The following MBD5 variants were observed in gnomAD, a reference collection of about 807,000 sequenced individuals.
MBD5 encodes the protein methyl-CpG-binding domain protein 5.
In MBD5, 13 loss-of-function variants were observed where a neutral mutation model predicts 117.3. The observed-to-expected ratio is 0.11, with a 90% confidence interval of 0.07 to 0.18. The LOEUF (loss-of-function observed/expected upper bound fraction) is 0.18. Ranked by LOEUF, MBD5 falls within the 10% of genes least tolerant of loss-of-function variation. The pLI is 1.00. For synonymous variants in MBD5, 727 were observed against 766.4 expected (o/e 0.95, Z 0.85); for missense variants, 1,879 against 2,093.8 (o/e 0.90, Z 2.00).
rs184980442 is a variant in MBD5 at position 148,228,500 on chromosome 2, G to C, written c.-830-4745G>C. Among the ~76,000 whole-genome samples the C allele has an allele frequency of 6.6e-5, 10 of 152,248 alleles. No homozygotes were observed. In the East Asian group the frequency reaches 1.9e-3, roughly 29 times the overall value. ...TGGATAAGCTTTTTGATGTGTTGCT[G>C]GATTTGGTTTGCCAGTATTTTATTG... On this transcript the variant is annotated intron_variant, in intron 2 of 13. Coordinates refer to ENST00000642680, the MANE Select transcript of MBD5 (RefSeq NM_001378120.1).
intron 3 of MBD5, among the ~76,000 whole-genome samples, chr2:148,281,191 C>T (rs1361615459): frequency 6.6e-6 from 1 of 152,154 alleles, no homozygotes; most frequent in Non-Finnish European, 1.5e-5. Context: ...ATGCCTTCTA[C>T]ATTCTATTTC....
chr2:148,316,441 T>C (rs1047662131), intron 3 of MBD5, among the ~76,000 whole-genome samples: 4 of 152,306 alleles, frequency 2.6e-5, no homozygotes, highest in African/African-American at 9.6e-5. Context: ...TATTTATAGT[T>C]TCTTATTTAT....
intron 1 of MBD5, among the ~76,000 whole-genome samples, chr2:148,056,518 G>A (rs1251739067): frequency 2.0e-5 from 3 of 151,810 alleles, no homozygotes; most frequent in Non-Finnish European, 4.4e-5. Context: ...TTTATATCAC[G>A]CACAAATATT....
At chr2:148,478,585 A>G (rs1028675418) in intron 8 of MBD5, among the ~76,000 whole-genome samples, 2 of 152,124 alleles carry the variant, frequency 1.3e-5, no homozygotes, top group African/African-American at 2.4e-5. Flanking sequence ...AACCTGTCCT[A>G]CTGGGCAAGC....
chr2:148,150,573 G>C (rs565231489), intron 1 of MBD5, among the ~76,000 whole-genome samples: 2 of 152,232 alleles, frequency 1.3e-5, no homozygotes, highest in African/African-American at 4.8e-5. Context: ...TGACCCATGA[G>C]CATGGAATGT....
chr2:148,189,121 C>T (rs1259533151), intron 2 of MBD5, among the ~76,000 whole-genome samples: 2 of 145,140 alleles, frequency 1.4e-5, no homozygotes, highest in Non-Finnish European at 3.0e-5. Context: ...CACGGAATCT[C>T]GCTGATTGCT....
intron 3 of MBD5, among the ~76,000 whole-genome samples, chr2:148,288,716 G>C (rs1037197937): frequency 6.6e-6 from 1 of 151,714 alleles, no homozygotes; most frequent in Non-Finnish European, 1.5e-5. Flanking sequence ...TCTATCACAG[G>C]ATACTTTGTT....
intron 2 of MBD5, among the ~76,000 whole-genome samples, chr2:148,199,145 A>C (rs1699071228): frequency 6.6e-6 from 1 of 152,198 alleles, no homozygotes; most frequent in Non-Finnish European, 1.5e-5. Context: ...TGCAGTCTTG[A>C]AGCAAAATTT....
chr2:148,087,972 C>A (rs892682640), intron 1 of MBD5, among the ~76,000 whole-genome samples: 1 of 150,694 alleles, frequency 6.6e-6, no homozygotes, highest in Non-Finnish European at 1.5e-5. Flanking sequence ...TAAAAAAATA[C>A]AGGATATGGA....
chr2:148,249,377 A>G (rs927998681), intron 3 of MBD5, among the ~76,000 whole-genome samples: 1 of 152,136 alleles, frequency 6.6e-6, no homozygotes, highest in Non-Finnish European at 1.5e-5. Flanking sequence ...GGCAAAATCC[A>G]CTGCCATGAG....
chr2:148,092,542 A>C (rs1270602198), intron 1 of MBD5, among the ~76,000 whole-genome samples: 2 of 152,196 alleles, frequency 1.3e-5, no homozygotes, highest in Non-Finnish European at 2.9e-5. Flanking sequence ...GGGGACCGTT[A>C]TTCTAAGTGA....
intron 3 of MBD5, among the ~76,000 whole-genome samples, chr2:148,259,120 T>C (rs1055768487): frequency 2.6e-5 from 4 of 152,180 alleles, no homozygotes; most frequent in African/African-American, 9.7e-5. Flanking sequence ...ACCATATGAC[T>C]GTCATTTACT....
chr2:148,512,221 C>T (rs565023459), intron 13 of MBD5: 1 of 161,854 alleles, frequency 6.2e-6, no homozygotes, highest in African/African-American at 2.4e-5. Flanking sequence ...ATGAACAGCA[C>T]TAAATGTTGC....
intron 2 of MBD5, among the ~76,000 whole-genome samples, chr2:148,208,882 A>C (rs13389636): frequency 0.14 from 21,357 of 152,078 alleles, 1,623 homozygotes; most frequent in Admixed American, 0.16. Flanking sequence ...CCTCTGTTCT[A>C]TAAATTATAA....
chr2:148,283,490 T>C (rs1701298004), intron 3 of MBD5, among the ~76,000 whole-genome samples: 1 of 152,190 alleles, frequency 6.6e-6, no homozygotes, highest in African/African-American at 2.4e-5. Context: ...TTTTAGCAAT[T>C]CGAAGCAGAA....
At chr2:148,090,265 A>C (rs1178793485) in intron 1 of MBD5, among the ~76,000 whole-genome samples, 1 of 152,142 alleles carries the variant, frequency 6.6e-6, no homozygotes, top group Non-Finnish European at 1.5e-5. Context: ...AAGCATTCAA[A>C]GAAGAATTGG....
At chr2:148,170,430 G>A (rs943335366) in intron 1 of MBD5, among the ~76,000 whole-genome samples, 2 of 152,120 alleles carry the variant, frequency 1.3e-5, no homozygotes, top group African/African-American at 2.4e-5. Flanking sequence ...GAAGAAATTT[G>A]GAATCTTTTA....
intron 1 of MBD5, among the ~76,000 whole-genome samples, chr2:148,047,702 G>T (rs575721406): frequency 1.6e-4 from 24 of 152,316 alleles, no homozygotes; most frequent in Admixed American, 1.5e-3. Context: ...TTCATTTAAT[G>T]AAGTAATTGT....
chr2:148,191,384 G>C (rs1418635676), intron 2 of MBD5, among the ~76,000 whole-genome samples: 2 of 962 alleles, frequency 2.1e-3, no homozygotes, highest in Admixed American at 0.012. Flanking sequence ...AAATGTAAAA[G>C]AACAGAAATT....
Sources: gnomAD v4.1 joint callset for allele counts (sites outside exome capture counted in the v4.1 genomes callset) on GRCh38, gnomAD v4.1.1 for gene constraint, MANE v1.5 for transcripts, NCBI Gene and HGNC (gene_info 2026-07-23, HGNC 2026-07-21) for gene names.